The following LRP1B variants were observed in gnomAD, a reference collection of about 807,000 sequenced individuals.
The protein encoded by LRP1B is low-density lipoprotein receptor-related protein 1B.
LRP1B carries 217 observed loss-of-function variants against 556.6 expected under a neutral mutation model. The observed-to-expected ratio is 0.39, with a 90% CI of 0.35 to 0.44. LRP1B has a LOEUF of 0.44. Among genes scored for constraint, LRP1B ranks in the 20% least tolerant of loss-of-function variants. The pLI is 1.00. For missense variants in LRP1B, 5,053 were observed against 5,620.8 expected (o/e 0.90, Z 3.23); for synonymous variants, 2,047 against 1,865.8 (o/e 1.10, Z -2.50).
intron 2 of LRP1B, among the ~76,000 whole-genome samples, chr2:141,631,899 T>C (rs1439938312): frequency 2.0e-5 from 3 of 152,092 alleles, no homozygotes; most frequent in Non-Finnish European, 2.9e-5. Context: ...TTTAGGAAAT[T>C]TTACCGATTT....
chr2:141,306,211 G>A lies in LRP1B; in HGVS notation c.344-51570C>T, dbSNP rs1347473992. On this transcript the variant is annotated intron_variant, in intron 3 of 90. Transcript: ENST00000389484. ...TCTTCAATTATTTAGAATAGTTTGA[G>A]GAAAATTGGTACTCATTCTTCTTTA... 2.0e-5 allele frequency among the ~76,000 whole-genome samples: 3 copies of A among 150,424 alleles called. No homozygotes were observed. The East Asian group carries it at 5.9e-4, about 29-fold the overall frequency.
intron 66 of LRP1B, among the ~76,000 whole-genome samples, chr2:140,387,660 T>C (rs891208695): frequency 2.0e-5 from 3 of 152,018 alleles, no homozygotes; most frequent in Non-Finnish European, 2.9e-5. Context: ...TCAGGTGCAA[T>C]GTTTTCTGCT....
chr2:141,218,394 T>C (rs935858741), intron 6 of LRP1B, among the ~76,000 whole-genome samples: 2 of 152,118 alleles, frequency 1.3e-5, no homozygotes, highest in Non-Finnish European at 2.9e-5. Flanking sequence ...TAGGTGCCCA[T>C]CAATTGTGGA....
At chr2:140,840,213 A>G in intron 30 of LRP1B, 128 bp from the exon 31 acceptor site, 1 of 583,138 alleles carries the variant, frequency 1.7e-6, no homozygotes, top group Non-Finnish European at 2.9e-6. Context: ...TTTTCAGAAA[A>G]CTCCAAAATT....
intron 2 of LRP1B, among the ~76,000 whole-genome samples, chr2:141,656,222 A>G (rs189892090): frequency 6.6e-6 from 1 of 152,242 alleles, no homozygotes; most frequent in Admixed American, 6.5e-5. Flanking sequence ...CTTCTTAACT[A>G]TGATATGTGG....
chr2:140,246,989 T>C (rs948109144), intron 87 of LRP1B, 97 bp downstream of exon 87: 12 of 829,480 alleles, frequency 1.4e-5, no homozygotes, highest in Non-Finnish European at 2.2e-5. Context: ...TAAAATTCCA[T>C]GAAGAAAGTG....
chr2:141,943,910 A>G (rs1026451302), intron 1 of LRP1B, among the ~76,000 whole-genome samples: 5 of 152,142 alleles, frequency 3.3e-5, no homozygotes, highest in Non-Finnish European at 4.4e-5. Flanking sequence ...AGGTAAAAGG[A>G]AAAACAATGC....
chr2:141,019,195 T>G (rs1379025866), intron 12 of LRP1B, among the ~76,000 whole-genome samples: 1 of 152,096 alleles, frequency 6.6e-6, no homozygotes, highest in Non-Finnish European at 1.5e-5. Context: ...GAAAACATAT[T>G]ACCAAGAATT....
At chr2:141,069,047 A>C (rs1044660212) in intron 7 of LRP1B, among the ~76,000 whole-genome samples, 1 of 152,050 alleles carries the variant, frequency 6.6e-6, no homozygotes, top group African/African-American at 2.4e-5. Context: ...GCAGCAATTT[A>C]GAAAAATTAT....
At chr2:141,215,706 A>G (rs755329284) in intron 6 of LRP1B, among the ~76,000 whole-genome samples, 5 of 152,198 alleles carry the variant, frequency 3.3e-5, no homozygotes, top group African/African-American at 9.6e-5. Context: ...CTATGGATCT[A>G]TGGAAGTTTG....
chr2:140,961,796 C>T (rs572525151), intron 18 of LRP1B, among the ~76,000 whole-genome samples: 2 of 152,108 alleles, frequency 1.3e-5, no homozygotes, highest in African/African-American at 4.8e-5. Context: ...AAACTTATAA[C>T]TTAAATTATG....
At chr2:141,257,730 G>A (rs539012620) in intron 3 of LRP1B, among the ~76,000 whole-genome samples, 53 of 152,248 alleles carry the variant, frequency 3.5e-4, no homozygotes, top group African/African-American at 1.3e-3. Flanking sequence ...AACAGTTTAG[G>A]ATATTAGGTG....
chr2:141,848,707 T>C (rs1451088868), intron 1 of LRP1B, among the ~76,000 whole-genome samples: 1 of 151,436 alleles, frequency 6.6e-6, no homozygotes, highest in Non-Finnish European at 1.5e-5. Context: ...AAGCAATTTA[T>C]GAGAGATATA....
At chr2:140,619,191 C>T (rs78195639) in intron 41 of LRP1B, among the ~76,000 whole-genome samples, 1,893 of 151,898 alleles carry the variant, frequency 0.012, 37 homozygotes, top group African/African-American at 0.044. Flanking sequence ...GCCCCCTTTC[C>T]AGTCCCCTAT....
At chr2:140,964,378 CAG>C (rs1205555560) in intron 18 of LRP1B, among the ~76,000 whole-genome samples, 4 of 152,090 alleles carry the variant, frequency 2.6e-5, no homozygotes, top group Admixed American at 2.6e-4. Context: ...GGTGGAGGAG[CAG>C]AGTCTTCTCT....
chr2:141,793,013 C>T (rs1010956011), intron 2 of LRP1B, among the ~76,000 whole-genome samples: 2 of 151,928 alleles, frequency 1.3e-5, no homozygotes, highest in African/African-American at 4.8e-5. Flanking sequence ...ATGCTATCAG[C>T]TGCCTTGTTA....
rs33913417 is a variant in LRP1B, at chr2:141,579,724, CT to C, written c.206-99192del. On this transcript the variant is annotated intron_variant, in intron 2 of 90. Coordinates refer to ENST00000389484, the MANE Select transcript of LRP1B (RefSeq NM_018557.3). ...CATAAGGAAAACATATCAGGTTTCA[CT>C]TTTTTTTTTTTTTTTTTGAGACGGA... Among the ~76,000 whole-genome samples the C allele has an allele frequency of 5.9e-4, 60 of 100,964 alleles. 3 individuals carry two copies. Among genetic ancestry groups the C allele is most frequent in the African/African-American group, 2.5e-3 (56 of 22,478 alleles). 66.2% of individuals were successfully genotyped at this position (100,964 alleles called of 152,430 possible). A position where few individuals can be genotyped will look rare whatever the true frequency, so the allele number is the denominator to read the frequency against.
intron 7 of LRP1B, among the ~76,000 whole-genome samples, chr2:141,076,904 G>A (rs147440901): frequency 4.8e-4 from 73 of 152,290 alleles, no homozygotes; most frequent in African/African-American, 1.7e-3. Flanking sequence ...ATAGGTGGAT[G>A]CAATGTCTGG....
chr2:141,129,605 A>T (rs1427039660), intron 7 of LRP1B, among the ~76,000 whole-genome samples: 3 of 151,990 alleles, frequency 2.0e-5, no homozygotes, highest in Non-Finnish European at 4.4e-5. Context: ...AGTCAAATCA[A>T]TTCACAAAGA....
Sources: gnomAD v4.1 joint callset for allele counts (sites outside exome capture counted in the v4.1 genomes callset) on GRCh38, gnomAD v4.1.1 for gene constraint, MANE v1.5 for transcripts, NCBI Gene and HGNC (gene_info 2026-07-23, HGNC 2026-07-21) for gene names.